The following MAN1A1 variants were observed in gnomAD, a reference collection of about 807,000 sequenced individuals.
MAN1A1 encodes mannosidase alpha class 1A member 1, also known as mannosyl-oligosaccharide 1,2-alpha-mannosidase IA.
A neutral mutation model predicts 70.8 loss-of-function variants in MAN1A1; 29 were observed. The ratio of observed to expected loss-of-function variants is 0.41; its 90% CI spans 0.31 to 0.56. The LOEUF (loss-of-function observed/expected upper bound fraction) is 0.56. MAN1A1 is among the 20% of genes least tolerant of loss of function. MAN1A1 has a pLI of 0.29. For synonymous variants in MAN1A1, 349 were observed against 330.1 expected, an observed-to-expected ratio of 1.06 and a Z score of -0.62; for missense variants, 747 against 841.3, an observed-to-expected ratio of 0.89 and a Z score of 1.39.
At chr6:119,247,567 A>T (rs565658336) in intron 6 of MAN1A1, among the ~76,000 whole-genome samples, 8 of 152,230 alleles carry the variant, frequency 5.3e-5, no homozygotes, top group Admixed American at 1.3e-4. Flanking sequence ...TTTATTAATG[A>T]AATGCTTAAG....
intron 2 of MAN1A1, among the ~76,000 whole-genome samples, chr6:119,345,317 C>T (rs1189756370): frequency 1.3e-5 from 2 of 152,038 alleles, no homozygotes; most frequent in African/African-American, 4.8e-5. Context: ...TATTCTAACA[C>T]TGCTTTTTAA....
intron 6 of MAN1A1, among the ~76,000 whole-genome samples, chr6:119,215,450 G>A (rs1774173317): frequency 6.6e-6 from 1 of 152,116 alleles, no homozygotes; most frequent in South Asian, 2.1e-4. Context: ...GATAAGAAGA[G>A]TCTCTACGAG....
intron 6 of MAN1A1, among the ~76,000 whole-genome samples, chr6:119,215,393 A>C (rs374267104): frequency 1.1e-4 from 17 of 152,338 alleles, no homozygotes; most frequent in African/African-American, 4.1e-4. Context: ...AATTAGGCCC[A>C]AAACTCTCAC....
At chr6:119,203,132 C>G (rs146996031) in intron 7 of MAN1A1, among the ~76,000 whole-genome samples, 1 of 152,170 alleles carries the variant, frequency 6.6e-6, no homozygotes, top group Non-Finnish European at 1.5e-5. Context: ...CTTGGATTTC[C>G]CAGCCTCCAG....
intron 8 of MAN1A1, among the ~76,000 whole-genome samples, chr6:119,198,848 C>T (rs568435947): frequency 6.6e-6 from 1 of 152,196 alleles, no homozygotes; most frequent in Non-Finnish European, 1.5e-5. Context: ...GATATTTTAA[C>T]AGGCTTTTCA....
intron 4 of MAN1A1, among the ~76,000 whole-genome samples, chr6:119,293,870 T>C (rs1010717306): frequency 6.6e-6 from 1 of 152,046 alleles, no homozygotes; most frequent in Admixed American, 6.6e-5. Flanking sequence ...CCATCTGAGT[T>C]TGAGGTCCCA....
chr6:119,205,168 C>T (rs985865042), intron 6 of MAN1A1, among the ~76,000 whole-genome samples: 4 of 152,176 alleles, frequency 2.6e-5, no homozygotes, highest in Admixed American at 6.5e-5. Flanking sequence ...TATATAGATG[C>T]ATAACCATTC....
chr6:119,324,193 A>C (rs1178331283), intron 2 of MAN1A1, among the ~76,000 whole-genome samples: 1 of 152,182 alleles, frequency 6.6e-6, no homozygotes, highest in Non-Finnish European at 1.5e-5. Context: ...AGCCTACTCA[A>C]CACGAAGACA....
At chr6:119,305,844 T>C (rs1772510882) in intron 3 of MAN1A1, among the ~76,000 whole-genome samples, 1 of 152,158 alleles carries the variant, frequency 6.6e-6, no homozygotes, top group African/African-American at 2.4e-5. Context: ...GCCAAACACA[T>C]GGAAGGTTCT....
At chr6:119,289,396 A>G (rs1468276049) in intron 5 of MAN1A1, among the ~76,000 whole-genome samples, 1 of 151,992 alleles carries the variant, frequency 6.6e-6, no homozygotes, top group African/African-American at 2.4e-5. Flanking sequence ...AAACCTGTTA[A>G]CTAAAATAAC....
chr6:119,344,219 C>T lies in MAN1A1; in HGVS notation c.603+4244G>A, dbSNP rs142603519. On this transcript the variant is annotated intron_variant, in intron 2 of 12. Coordinates refer to ENST00000368468, the MANE Select transcript of MAN1A1 (RefSeq NM_005907.4). ...TTAACTAGTTTCTAAGTCCCATATA[C>T]ATAAGAAGCTCCTTTATATGAATCC... Among the ~76,000 whole-genome samples, 85 of 152,296 alleles carry T rather than the reference C, an allele frequency of 5.6e-4. 1 individual carries two copies. Among genetic ancestry groups the T allele is most frequent in the African/African-American group, 2.0e-3 (84 of 41,570 alleles).
intron 6 of MAN1A1, chr6:119,210,986 A>T: frequency 4.6e-6 from 2 of 435,770 alleles, no homozygotes; most frequent in South Asian, 3.4e-5. Context: ...AAATCTACAC[A>T]CAATCATTTA....
chr6:119,341,074 C>T (rs1360222312), intron 2 of MAN1A1, among the ~76,000 whole-genome samples: 2 of 152,266 alleles, frequency 1.3e-5, no homozygotes, highest in East Asian at 1.9e-4. Context: ...TCTAAAGTAC[C>T]TAAAGCAACT....
At chr6:119,258,531 T>G (rs1272430717) in intron 5 of MAN1A1, among the ~76,000 whole-genome samples, 1 of 152,144 alleles carries the variant, frequency 6.6e-6, no homozygotes, top group Non-Finnish European at 1.5e-5. Context: ...ATGCAAATAC[T>G]GTACCATTTT....
chr6:119,301,133 C>G (rs537626303), intron 4 of MAN1A1, among the ~76,000 whole-genome samples: 1 of 152,244 alleles, frequency 6.6e-6, no homozygotes, highest in Admixed American at 6.5e-5. Context: ...AAATGCTTAC[C>G]CGAAAGACAA....
intron 6 of MAN1A1, among the ~76,000 whole-genome samples, chr6:119,247,574 T>C (rs535994009): frequency 2.5e-4 from 38 of 152,208 alleles, no homozygotes; most frequent in Non-Finnish European, 4.3e-4. Flanking sequence ...ATGAAATGCT[T>C]AAGTTATGAA....
At chr6:119,179,986 G>T (rs1243434816) in intron 12 of MAN1A1, 41 bp from the exon 13 acceptor site, 7 of 1,603,696 alleles carry the variant, frequency 4.4e-6, no homozygotes, top group Non-Finnish European at 6.0e-6. Flanking sequence ...CAAGACACTA[G>T]GCAGGCAGTG....
intron 5 of MAN1A1, among the ~76,000 whole-genome samples, chr6:119,277,953 A>AAAG (rs1776119274): frequency 7.6e-6 from 1 of 132,310 alleles, no homozygotes; most frequent in Non-Finnish European, 1.6e-5. Flanking sequence ...AAAAAAAAAA[A>AAAG]AAAAAGTAAA....
chr6:119,297,804 G>GT (rs373387072), intron 4 of MAN1A1, among the ~76,000 whole-genome samples: 18 of 94,228 alleles, frequency 1.9e-4, no homozygotes, highest in Admixed American at 2.5e-4. Flanking sequence ...TTTTTGTTTT[G>GT]TTTTGTTTTT....
Sources: gnomAD v4.1 joint callset for allele counts (sites outside exome capture counted in the v4.1 genomes callset) on GRCh38, gnomAD v4.1.1 for gene constraint, MANE v1.5 for transcripts, NCBI Gene and HGNC (gene_info 2026-07-23, HGNC 2026-07-21) for gene names.